The following BOD1L1 variants were observed in gnomAD, a reference collection of about 807,000 sequenced individuals.
BOD1L1 encodes biorientation of chromosomes in cell division protein 1-like 1.
In BOD1L1, 86 loss-of-function variants were observed where a neutral mutation model predicts 240.7. The ratio of observed to expected loss-of-function variants is 0.36; its 90% CI spans 0.30 to 0.43. BOD1L1 has a LOEUF of 0.43. BOD1L1 is among the 20% of genes least tolerant of loss of function. The pLI is 1.00. For synonymous variants in BOD1L1, 1,268 were observed against 1,272.3 expected (o/e 1.00, Z 0.07); for missense variants, 3,554 against 3,643.5 (o/e 0.98, Z 0.63).
chr4:13,619,807 C>T, intron 2 of BOD1L1, 136 bp downstream of exon 2: 1 of 1,121,234 alleles, frequency 8.9e-7, no homozygotes. Flanking sequence ...TGCTACATCA[C>T]ACGAAATAGC....
chr4:13,585,912 C>G (rs1347331322), intron 17 of BOD1L1, among the ~76,000 whole-genome samples: 1 of 152,174 alleles, frequency 6.6e-6, no homozygotes, highest in South Asian at 2.1e-4. Context: ...GCCTCCCCAG[C>G]CATGCGGAAC....
Position 13,599,369 on chromosome 4 carries a change from T to G in BOD1L1, c.7531A>C (p.Thr2511Pro), listed in dbSNP as rs61995953. ...GGATCCTTAGCCGTCTGCCCAGACG[T>G]CTGTTCTGGTCCTCTCAGGTGGGCA... ...SPAHLRGPEQ[T>P]SGQTAKDPSV... Residue 2511 changes from threonine (T) to proline (P), a missense_variant, in exon 10 of 26, where the codon ACG (threonine) becomes CCG (proline). Physicochemically the swap from Thr to Pro is conservative, Grantham distance 38 (BLOSUM62 -1). Coordinates refer to ENST00000040738, the MANE Select transcript of BOD1L1 (RefSeq NM_148894.3). 19,759 of 1,613,932 alleles carry G rather than the reference T, an allele frequency of 0.012. 154 individuals carry two copies. Among genetic ancestry groups the G allele is most frequent in the Non-Finnish European group, 0.014 (16,601 of 1,179,882 alleles).
rs76949035 is a variant in BOD1L1, at chr4:13,580,098, A to G, written c.8704-125T>C. The G allele has an allele frequency of 6.2e-6, 4 of 643,326 alleles. No individual in the cohort carries two copies. In the Admixed American group the frequency reaches 1.2e-4, roughly 19 times the overall value. The allele number at this position is 643,326 out of a possible 1,614,324, so 39.9% of individuals were successfully genotyped here. A position where few individuals can be genotyped will look rare whatever the true frequency, so the allele number is the denominator to read the frequency against. The stretch of plus-strand genomic sequence containing the variant: ...ATTTACATAGGCGTATTTGAGACCT[A>G]TTTTCTGTAATTGATTAAGTATACC... On this transcript the variant is annotated intron_variant, in intron 21 of 25. Coordinates refer to ENST00000040738, the MANE Select transcript of BOD1L1 (RefSeq NM_148894.3).
intron 3 of BOD1L1, among the ~76,000 whole-genome samples, chr4:13,615,070 T>A (rs918795752): frequency 6.6e-6 from 1 of 152,246 alleles, no homozygotes; most frequent in African/African-American, 2.4e-5. Flanking sequence ...TATTCTCTAA[T>A]TATTTTAGTT....
chr4:13,601,243 C>A lies in BOD1L1; in HGVS notation c.5657G>T (p.Cys1886Phe). ...RGNEIGHAST[C>F]TGLGEESEGV... ...TTCACTTTCTTCTCCTAACCCTGTACAAGTTGAAGCATGCCCAATTTCATT... is the reference window on the plus strand; with the variant it reads ...TTCACTTTCTTCTCCTAACCCTGTAAAAGTTGAAGCATGCCCAATTTCATT... The change falls in exon 10 of 26, where the codon TGT (cysteine) becomes TTT (phenylalanine). Residue 1886 changes from cysteine (C) to phenylalanine (F), a missense_variant. Around this residue, in one of 2 missense-constraint regions of BOD1L1, gnomAD observed 3,393 missense variants for 3,427.1 expected, o/e 0.99. Transcript: ENST00000040738. 6.2e-7 allele frequency: 1 copy of A among 1,613,998 alleles called. No homozygotes were observed. Among genetic ancestry groups the A allele is most frequent in the Non-Finnish European group, 8.5e-7 (1 of 1,179,900 alleles).
chr4:13,596,068 G>A, intron 11 of BOD1L1, 124 bp from the exon 12 acceptor site: 4 of 743,148 alleles, frequency 5.4e-6, no homozygotes, highest in South Asian at 1.8e-5. Context: ...ATTTTCAAGA[G>A]TACACAAAAC....
rs768920771 is a variant in BOD1L1 at position 13,600,797 on chromosome 4, T to A, written c.6103A>T (p.Ile2035Phe). ...CACTCTTCATTTTCTACAGAGGTGA[T>A]GATGTCCTCATCTTCTTTTTCACTT... The part of the protein sequence containing the change: ...SPSEKEDEDI[I>F]TSVENEECDG... The change falls in exon 10 of 26, where the codon ATC (isoleucine) becomes TTC (phenylalanine). Residue 2035 changes from isoleucine (I) to phenylalanine (F), a missense_variant. This residue lies in a region of BOD1L1 where 3,393 missense variants were observed against 3,427.1 expected (regional missense o/e 0.99). Transcript: ENST00000040738. 2 of 1,613,978 alleles carry A rather than the reference T, an allele frequency of 1.2e-6. No individual in the cohort carries two copies. Among genetic ancestry groups the A allele is most frequent in the Non-Finnish European group, 1.7e-6 (2 of 1,179,882 alleles).
intron 14 of BOD1L1, among the ~76,000 whole-genome samples, chr4:13,590,063 T>C (rs1714072586): frequency 6.6e-6 from 1 of 152,224 alleles, no homozygotes; most frequent in South Asian, 2.1e-4. Flanking sequence ...CATTTCACAG[T>C]TGGGTACTTG....
Position 13,577,599 on chromosome 4 carries a change from C to T in BOD1L1, c.8782G>A (p.Glu2928Lys). The change falls in exon 23 of 26, where the codon GAA becomes AAA. Residue 2928 changes from glutamate to lysine, a missense_variant. By Grantham distance (56) the Glu-to-Lys change is moderately conservative. Transcript: ENST00000040738. The stretch of plus-strand genomic sequence containing the variant: ...ACACTTACATTGCTTATACTTCTTT[C>T]TTGTAGGTTAGCTGTTTCTTTATTG... ...ESNKETANLQ[E>K]RSISNDDGEE... The T allele has an allele frequency of 6.4e-7, 1 of 1,567,568 alleles. No homozygotes were observed. The highest frequency in any genetic ancestry group is 8.7e-7 in the Non-Finnish European group (1 of 1,151,184).
intron 22 of BOD1L1, among the ~76,000 whole-genome samples, chr4:13,578,438 G>C (rs1712954074): frequency 6.6e-6 from 1 of 152,184 alleles, no homozygotes; most frequent in Non-Finnish European, 1.5e-5. Context: ...TTTGAATTTT[G>C]ATTAGGAATG....
Position 13,582,164 on chromosome 4 carries a change from C to T in BOD1L1, c.8592+73G>A, listed in dbSNP as rs1577317750. ...AGTACTTAAGAAAAACTCAAGATAACAGTATTTAATGAATTTAATTTGGTT... is the reference window on the plus strand; with the variant it reads ...AGTACTTAAGAAAAACTCAAGATAATAGTATTTAATGAATTTAATTTGGTT... On this transcript the variant is annotated intron_variant, in intron 19 of 25. Transcript: ENST00000040738. The T allele has an allele frequency of 4.0e-6, 5 of 1,261,126 alleles. No homozygotes were observed. In the South Asian group the frequency reaches 6.7e-5, roughly 17 times the overall value. 78.1% of individuals were successfully genotyped at this position (1,261,126 alleles called of 1,614,324 possible).
At chr4:13,592,034 T>C in intron 12 of BOD1L1, 68 bp from the exon 13 acceptor site, 2 of 1,279,458 alleles carry the variant, frequency 1.6e-6, no homozygotes, top group Non-Finnish European at 2.2e-6. Context: ...GAAACAAATT[T>C]GAAGATTTTT....
rs548561108 is a variant in BOD1L1, at chr4:13,624,740, G to C, written c.243+2605C>G. 6.6e-5 allele frequency: 10 copies of C among 152,236 alleles called. No homozygotes were observed. In the East Asian group the frequency reaches 7.7e-4, roughly 12 times the overall value. The allele number at this position is 152,236 out of a possible 1,614,324, so 9.4% of individuals were successfully genotyped here. On this transcript the variant is annotated intron_variant, in intron 1 of 25. Coordinates refer to ENST00000040738, the MANE Select transcript of BOD1L1 (RefSeq NM_148894.3). Reference sequence around the variant, plus strand: ...AGCAGACTTTGGTACTTCTCATCCTGGTTTAAACACACTAAACTGGATGAC... The same window carrying C: ...AGCAGACTTTGGTACTTCTCATCCTCGTTTAAACACACTAAACTGGATGAC...
At position 13,609,553 on chromosome 4, in the gene BOD1L1, T is replaced by C. The variant is rs1715995021; in HGVS notation, c.1492-147A>G. The stretch of plus-strand genomic sequence containing the variant: ...AAAATGCACATACACTACATATATA[T>C]ACACACATTTATCTCTGTGTGTATA... On this transcript the variant is annotated intron_variant, in intron 6 of 25. Transcript: ENST00000040738. The C allele has an allele frequency of 8.2e-6, 4 of 486,552 alleles. No homozygotes were observed. In the South Asian group the frequency reaches 1.2e-4, roughly 15 times the overall value. 30.1% of individuals were successfully genotyped at this position (486,552 alleles called of 1,614,324 possible).
intron 25 of BOD1L1, among the ~76,000 whole-genome samples, chr4:13,573,519 ATCTT>A (rs34909266): frequency 2.2e-4 from 29 of 134,158 alleles, no homozygotes; most frequent in South Asian, 9.7e-4. Context: ...CTATCTATCT[ATCTT>A]TCTTTCTTTC....
chr4:13,600,827 A>T lies in BOD1L1; in HGVS notation c.6073T>A (p.Ser2025Thr), dbSNP rs771975058. The part of the protein sequence containing the change: ...EVPECEVAHT[S>T]PSEKEDEDII... The stretch of plus-strand genomic sequence containing the variant: ...TCCTCATCTTCTTTTTCACTTGGTG[A>T]TGTGTGAGCAACTTCACATTCTGGG... The change falls in exon 10 of 26, where the codon TCA becomes ACA. Residue 2025 changes from serine (S) to threonine (T), a missense_variant. Physicochemically the swap from Ser to Thr is moderately conservative, Grantham distance 58. Coordinates refer to ENST00000040738, the MANE Select transcript of BOD1L1 (RefSeq NM_148894.3). 1 of 1,613,652 alleles carries T rather than the reference A, an allele frequency of 6.2e-7. No individual in the cohort carries two copies. Among genetic ancestry groups the T allele is most frequent in the Non-Finnish European group, 8.5e-7 (1 of 1,179,812 alleles).
At chr4:13,585,841 T>C (rs1713638610) in intron 17 of BOD1L1, among the ~76,000 whole-genome samples, 1 of 152,188 alleles carries the variant, frequency 6.6e-6, no homozygotes, top group Non-Finnish European at 1.5e-5. Context: ...CATGCCCTCT[T>C]GCCTGTTGTC....
At chr4:13,597,288 T>C (rs745428279) in intron 10 of BOD1L1, 120 bp from the exon 11 acceptor site, 2 of 702,240 alleles carry the variant, frequency 2.8e-6, no homozygotes, top group Middle Eastern at 2.4e-4. Flanking sequence ...TTCTGGTTTA[T>C]TTTGCTGTCA....
chr4:13,582,281 C>T lies in BOD1L1; in HGVS notation c.8548G>A (p.Glu2850Lys). The T allele has an allele frequency of 6.2e-7, 1 of 1,613,636 alleles. No individual in the cohort carries two copies. The highest frequency in any genetic ancestry group is 1.3e-5 in the African/African-American group (1 of 75,036). Reference protein sequence around the residue: ...DEYSSSETTGEKPEQNDDDTI... With the variant: ...DEYSSSETTGKKPEQNDDDTI... Reference sequence around the variant, plus strand: ...TCATCATCGTTCTGCTCTGGCTTTTCACCAGTAGTTTCACTGCTGCTATAT... The same window carrying T: ...TCATCATCGTTCTGCTCTGGCTTTTTACCAGTAGTTTCACTGCTGCTATAT... The change falls in exon 19 of 26, where the codon GAA becomes AAA. Residue 2850 changes from glutamate (E) to lysine (K), a missense_variant. Glu to Lys is a moderately conservative substitution (Grantham distance 56). Around this residue, in one of 2 missense-constraint regions of BOD1L1, gnomAD observed 3,393 missense variants for 3,427.1 expected, o/e 0.99. Transcript: ENST00000040738.
Sources: allele counts gnomAD v4.1 joint callset (sites outside exome capture counted in the v4.1 genomes callset), GRCh38; gene constraint gnomAD v4.1.1; regional missense constraint gnomAD v4.1.1; transcripts MANE v1.5; gene names NCBI Gene and HGNC (gene_info 2026-07-23, HGNC 2026-07-21).